The following PCDHA5 variants were observed in gnomAD, a reference collection of about 807,000 sequenced individuals.
The protein encoded by PCDHA5 is protocadherin alpha 5.
In PCDHA5, 43 loss-of-function variants were observed where a neutral mutation model predicts 61.6. The ratio of observed to expected loss-of-function variants is 0.70; its 90% CI spans 0.55 to 0.90. The LOEUF is 0.90. Among genes scored for constraint, PCDHA5 ranks in the 40% least tolerant of loss-of-function variants. PCDHA5 has a pLI of 0.00. For missense variants in PCDHA5, 1,298 were observed against 1,222.7 expected, an observed-to-expected ratio of 1.06 and a Z score of -0.92; for synonymous variants, 627 against 543.9, an observed-to-expected ratio of 1.15 and a Z score of -2.13.
intron 3 of PCDHA5, among the ~76,000 whole-genome samples, chr5:141,005,899 A>G (rs2098245270): frequency 6.6e-6 from 1 of 151,978 alleles, no homozygotes; most frequent in East Asian, 1.9e-4. Flanking sequence ...TCAAGCAATG[A>G]TTGCACCACT....
intron 1 of PCDHA5, among the ~76,000 whole-genome samples, chr5:140,960,011 A>G (rs578052753): frequency 1.2e-4 from 18 of 152,350 alleles, no homozygotes; most frequent in Admixed American, 1.0e-3. Flanking sequence ...TCTATTTTGC[A>G]TCATGATTTT....
At chr5:140,988,226 G>C (rs1375369387) in intron 3 of PCDHA5, among the ~76,000 whole-genome samples, 2 of 152,154 alleles carry the variant, frequency 1.3e-5, no homozygotes, top group Non-Finnish European at 2.9e-5. Context: ...TGAGATCAGG[G>C]ATCTATGTGA....
intron 1 of PCDHA5, chr5:140,871,535 G>GTTTC: frequency 6.6e-7 from 1 of 1,514,054 alleles, no homozygotes; most frequent in Non-Finnish European, 8.9e-7. Flanking sequence ...AAGTGTATGT[G>GTTTC]AAATTATTTA....
intron 1 of PCDHA5, chr5:140,859,908 T>C (rs1554152827): frequency 6.6e-6 from 1 of 150,380 alleles, no homozygotes; most frequent in Non-Finnish European, 1.5e-5. Context: ...CTTAATGTCT[T>C]ATATTATAAG....
At chr5:140,828,653 G>C in intron 1 of PCDHA5, 1 of 1,614,156 alleles carries the variant, frequency 6.2e-7, no homozygotes, top group Non-Finnish European at 8.5e-7. Context: ...AAACAGTGAT[G>C]ACAATAAACA....
intron 1 of PCDHA5, among the ~76,000 whole-genome samples, chr5:140,894,199 GC>G (rs2064359112): frequency 6.6e-6 from 1 of 151,732 alleles, no homozygotes; most frequent in Admixed American, 6.6e-5. Context: ...TTTTTTCTAT[GC>G]TATTATATTC....
chr5:140,822,611 T>A lies in PCDHA5; in HGVS notation c.836T>A (p.Phe279Tyr). ...GGCATCAATAAGGAAATAGTGTATT[T>A]CTTTAGTAATCTTGTTCTTGACGAT... ...DEGINKEIVY[F>Y]FSNLVLDDVK... is the part of the protein sequence containing the mutation. Residue 279 changes from phenylalanine (F) to tyrosine (Y), a missense_variant, in exon 1 of 4, where the codon TTC becomes TAC. Coordinates refer to ENST00000529859, the MANE Select transcript of PCDHA5 (RefSeq NM_018908.3). The A allele has an allele frequency of 6.2e-7, 1 of 1,611,604 alleles. No homozygotes were observed. Among genetic ancestry groups the A allele is most frequent in the South Asian group, 1.1e-5 (1 of 90,980 alleles).
At chr5:140,877,443 C>T (rs376417721) in intron 1 of PCDHA5, 1 of 1,613,844 alleles carries the variant, frequency 6.2e-7, no homozygotes, top group East Asian at 2.2e-5. Flanking sequence ...ACGGTGAGCC[C>T]GCGCTGACGT....
In PCDHA5 at chr5:140,823,393, G is replaced by T; in HGVS notation, c.1618G>T (p.Gly540Cys). ...LQFQVSARDA[G>C]VPPLGSNVTL... ...GTTCCAGGTGAGCGCGCGCGACGCG[G>T]GCGTGCCGCCTCTGGGCAGCAACGT... Residue 540 changes from glycine (G) to cysteine (C), a missense_variant, in exon 1 of 4, where the codon GGC becomes TGC. Physicochemically the swap from Gly to Cys is radical, Grantham distance 159 (BLOSUM62 -3). Transcript: ENST00000529859. 6.2e-7 allele frequency: 1 copy of T among 1,612,960 alleles called. No homozygotes were observed. The highest frequency in any genetic ancestry group is 8.5e-7 in the Non-Finnish European group (1 of 1,179,818).
intron 1 of PCDHA5, among the ~76,000 whole-genome samples, chr5:140,855,664 C>G (rs2043557127): frequency 6.7e-6 from 1 of 149,694 alleles, no homozygotes. Flanking sequence ...GAAGAAATCA[C>G]TACTCTGAGA....
intron 3 of PCDHA5, among the ~76,000 whole-genome samples, chr5:140,988,690 C>T (rs1286168942): frequency 2.6e-5 from 4 of 152,148 alleles, no homozygotes; most frequent in South Asian, 2.1e-4. Flanking sequence ...TTTCCCTAGA[C>T]GCTCTGTATT....
At chr5:140,887,770 G>A (rs2061571546) in intron 1 of PCDHA5, among the ~76,000 whole-genome samples, 2 of 152,072 alleles carry the variant, frequency 1.3e-5, no homozygotes, top group South Asian at 4.1e-4. Flanking sequence ...ATGTTACAAT[G>A]ACACAGGTCA....
At chr5:140,852,257 T>G (rs1417638818) in intron 1 of PCDHA5, 1 of 512,112 alleles carries the variant, frequency 2.0e-6, no homozygotes, top group Non-Finnish European at 2.6e-6. Context: ...TTTTGGAATA[T>G]GCTACAATAT....
intron 3 of PCDHA5, among the ~76,000 whole-genome samples, chr5:140,986,690 A>G (rs2097209589): frequency 6.6e-6 from 1 of 152,172 alleles, no homozygotes; most frequent in African/African-American, 2.4e-5. Flanking sequence ...AAAGTTTCAA[A>G]ACACACAGCA....
At chr5:140,883,760 C>A in intron 1 of PCDHA5, 1 of 1,612,790 alleles carries the variant, frequency 6.2e-7, no homozygotes, top group Non-Finnish European at 8.5e-7. Flanking sequence ...GGTGGAGCGG[C>A]GGGTGGGCGA....
chr5:140,920,129 A>T lies in PCDHA5; in HGVS notation c.2353-58820A>T, dbSNP rs369489887. Among the ~76,000 whole-genome samples, 8 of 152,262 alleles carry T rather than the reference A, an allele frequency of 5.3e-5. No homozygotes were observed. The South Asian group carries it at 1.7e-3, about 32-fold the overall frequency. ...CAACCTTGCCAACATCTTGAGTTTT[A>T]ATTCTCCTCTCCAAACCTGGGAGAA... On this transcript the variant is annotated intron_variant, in intron 1 of 3. Transcript: ENST00000529859.
At chr5:140,890,248 A>G (rs2062564503) in intron 1 of PCDHA5, among the ~76,000 whole-genome samples, 1 of 152,096 alleles carries the variant, frequency 6.6e-6, no homozygotes, top group Non-Finnish European at 1.5e-5. Context: ...CCAGTACACT[A>G]CTGCACCTGA....
At chr5:140,836,573 C>A (rs1247544483) in intron 1 of PCDHA5, 4 of 1,613,690 alleles carry the variant, frequency 2.5e-6, no homozygotes, top group South Asian at 2.2e-5. Context: ...CCTCTGAGGG[C>A]GCATGTAGTT....
intron 1 of PCDHA5, among the ~76,000 whole-genome samples, chr5:140,878,373 T>G (rs944129613): frequency 2.2e-4 from 34 of 152,258 alleles, no homozygotes; most frequent in African/African-American, 8.0e-4. Flanking sequence ...TGACATATGA[T>G]GAATGATTTT....
Sources: allele counts gnomAD v4.1 joint callset (sites outside exome capture counted in the v4.1 genomes callset), GRCh38; gene constraint gnomAD v4.1.1; transcripts MANE v1.5; gene names NCBI Gene and HGNC (gene_info 2026-07-23, HGNC 2026-07-21).